The following PLCH1 variants were observed in gnomAD, a reference collection of about 807,000 sequenced individuals.
PLCH1 encodes phospholipase C eta 1.
PLCH1 carries 60 observed loss-of-function variants against 126.7 expected under a neutral mutation model. The ratio of observed to expected loss-of-function variants is 0.47; its 90% confidence interval spans 0.38 to 0.59. The LOEUF is 0.59. PLCH1 is among the 20% of genes least tolerant of loss of function. The pLI is 0.00. For synonymous variants in PLCH1, 719 were observed against 734.9 expected, an observed-to-expected ratio of 0.98 and a Z score of 0.35; for missense variants, 1,723 against 2,040.0, an observed-to-expected ratio of 0.84 and a Z score of 2.99.
intron 22 of PLCH1, among the ~76,000 whole-genome samples, chr3:155,483,757 T>C (rs1469620659): frequency 6.6e-6 from 1 of 152,154 alleles, no homozygotes; most frequent in African/African-American, 2.4e-5. Flanking sequence ...GGCAGTAAGT[T>C]GTCAGGCACA....
chr3:155,527,224 A>C (rs1722069059), intron 10 of PLCH1, among the ~76,000 whole-genome samples: 1 of 152,228 alleles, frequency 6.6e-6, no homozygotes. Context: ...AGACTTCCTT[A>C]AACATGGAAG....
At chr3:155,669,318 C>G (rs1324919710) in intron 2 of PLCH1, among the ~76,000 whole-genome samples, 3 of 152,192 alleles carry the variant, frequency 2.0e-5, no homozygotes, top group Non-Finnish European at 4.4e-5. Context: ...ATGGCTCATG[C>G]CTGTAATCCC....
At chr3:155,637,064 T>A (rs1007973501) in intron 2 of PLCH1, among the ~76,000 whole-genome samples, 9 of 152,182 alleles carry the variant, frequency 5.9e-5, no homozygotes, top group African/African-American at 1.7e-4. Context: ...TAGAGATAGA[T>A]CACCCTATCC....
chr3:155,465,374 C>A (rs1377953210), intron 21 of PLCH1, among the ~76,000 whole-genome samples: 1 of 152,060 alleles, frequency 6.6e-6, no homozygotes, highest in African/African-American at 2.4e-5. Flanking sequence ...TCTAGACATA[C>A]CCTGGGCTAG....
chr3:155,585,714 T>A (rs1731271001), intron 5 of PLCH1, among the ~76,000 whole-genome samples: 1 of 152,192 alleles, frequency 6.6e-6, no homozygotes, highest in African/African-American at 2.4e-5. Context: ...ACAAGGGCTA[T>A]TTTTTGTCAT....
intron 2 of PLCH1, among the ~76,000 whole-genome samples, chr3:155,654,464 G>A (rs937123075): frequency 2.0e-5 from 3 of 152,042 alleles, no homozygotes; most frequent in Non-Finnish European, 2.9e-5. Flanking sequence ...ACATCTAATC[G>A]ATATCTCAGT....
At chr3:155,551,080 C>T (rs1195069818) in intron 9 of PLCH1, among the ~76,000 whole-genome samples, 1 of 152,138 alleles carries the variant, frequency 6.6e-6, no homozygotes, top group Non-Finnish European at 1.5e-5. Context: ...AAACTGACAA[C>T]CCTGAGTTGT....
chr3:155,669,355 G>A (rs1743156516), intron 2 of PLCH1, among the ~76,000 whole-genome samples: 1 of 152,152 alleles, frequency 6.6e-6, no homozygotes, highest in Non-Finnish European at 1.5e-5. Context: ...AATGCAGGAA[G>A]ATCACTTCAA....
At chr3:155,549,369 T>G (rs182349641) in intron 10 of PLCH1, among the ~76,000 whole-genome samples, 27 of 151,828 alleles carry the variant, frequency 1.8e-4, no homozygotes, top group African/African-American at 5.3e-4. Context: ...AAGCTTTTTG[T>G]TTTTTTTGGT....
At chr3:155,515,362 T>G (rs1253219949) in intron 11 of PLCH1, among the ~76,000 whole-genome samples, 1 of 152,222 alleles carries the variant, frequency 6.6e-6, no homozygotes, top group Non-Finnish European at 1.5e-5. Flanking sequence ...CATAAATAAA[T>G]TAGAACAAAA....
chr3:155,667,587 A>G (rs1742867533), intron 2 of PLCH1, among the ~76,000 whole-genome samples: 1 of 152,188 alleles, frequency 6.6e-6, no homozygotes, highest in Non-Finnish European at 1.5e-5. Context: ...ATGAAAAATA[A>G]TAACTAGAAA....
rs771898452 is a variant in PLCH1, at chr3:155,504,576, C to G, written c.1683G>C (p.Met561Ile). Residue 561 changes from methionine to isoleucine, a missense_variant, in exon 13 of 23, where the codon ATG becomes ATC. Around this residue, in one of 2 missense-constraint regions of PLCH1, gnomAD observed 776 missense variants for 1,062.9 expected, o/e 0.73. Transcript: ENST00000460012. Reference protein sequence around the residue: ...SGKKSHGRSLMTNFGKHKKTT... With the variant: ...SGKKSHGRSLITNFGKHKKTT... ...ATACCTTATGTTTTCCAAAGTTGGT[C>G]ATGAGGGATCGTCCATGTGATTTCT... is the stretch of plus-strand genomic sequence containing the variant. 13 of 1,605,000 alleles carry G rather than the reference C, an allele frequency of 8.1e-6. No homozygotes were observed. Among genetic ancestry groups the G allele is most frequent in the African/African-American group, 1.3e-5 (1 of 74,732 alleles).
intron 10 of PLCH1, among the ~76,000 whole-genome samples, chr3:155,537,201 CCAAAAAAAAAAAAAAAA>C (rs1723509989): frequency 1.5e-5 from 2 of 132,118 alleles, no homozygotes; most frequent in South Asian, 4.8e-4. Flanking sequence ...AAAAAAAAAA[CCAAAAAAAAAAAAAAAA>C]AAAAAAAAAA....
At chr3:155,534,372 T>C (rs1723074582) in intron 10 of PLCH1, among the ~76,000 whole-genome samples, 1 of 152,230 alleles carries the variant, frequency 6.6e-6, no homozygotes. Context: ...ATGGAGCCTG[T>C]ATCTCCTTTG....
At chr3:155,537,463 A>G (rs530676991) in intron 10 of PLCH1, among the ~76,000 whole-genome samples, 7 of 152,156 alleles carry the variant, frequency 4.6e-5, no homozygotes, top group African/African-American at 7.2e-5. Context: ...GGCAGAATGA[A>G]TAAGAATTCA....
At chr3:155,643,259 T>G (rs945433852) in intron 2 of PLCH1, among the ~76,000 whole-genome samples, 1 of 152,016 alleles carries the variant, frequency 6.6e-6, no homozygotes, top group African/African-American at 2.4e-5. Flanking sequence ...CCAACTTGGT[T>G]ACTTAGATCA....
intron 13 of PLCH1, 73 bp downstream of exon 13, chr3:155,504,482 T>C: frequency 1.2e-6 from 1 of 825,434 alleles, no homozygotes; most frequent in Non-Finnish European, 2.1e-6. Context: ...AAGGTCATGA[T>C]GATATTCTCC....
intron 2 of PLCH1, among the ~76,000 whole-genome samples, chr3:155,703,281 G>A (rs1390522767): frequency 6.6e-6 from 1 of 152,198 alleles, no homozygotes; most frequent in African/African-American, 2.4e-5. Flanking sequence ...TTAGAAAGGT[G>A]AAAGCAGCTT....
intron 21 of PLCH1, among the ~76,000 whole-genome samples, chr3:155,469,241 G>C (rs1171438844): frequency 1.3e-5 from 2 of 152,190 alleles, no homozygotes; most frequent in Non-Finnish European, 2.9e-5. Context: ...AGCCGAAGCA[G>C]GGCGAGGCAT....
Sources: gnomAD v4.1 joint callset for allele counts (sites outside exome capture counted in the v4.1 genomes callset) on GRCh38, gnomAD v4.1.1 for gene constraint, gnomAD v4.1.1 regional missense constraint, MANE v1.5 for transcripts, NCBI Gene and HGNC (gene_info 2026-07-23, HGNC 2026-07-21) for gene names.